The following DSCAM variants were observed in gnomAD, a reference collection of about 807,000 sequenced individuals.
The protein encoded by DSCAM is cell adhesion molecule DSCAM.
A neutral mutation model predicts 217.7 loss-of-function variants in DSCAM; 47 were observed. That is an observed-to-expected ratio of 0.22 (90% CI 0.17 to 0.28). The LOEUF is 0.28. DSCAM is among the 10% of genes least tolerant of loss of function. The probability of loss-of-function intolerance (pLI) is 1.00; values close to 1 mark genes in which losing one functional copy is unlikely to be tolerated. For missense variants in DSCAM, 2,080 were observed against 2,618.3 expected (o/e 0.79, Z 4.49); for synonymous variants, 1,056 against 1,015.3 (o/e 1.04, Z -0.76).
intron 3 of DSCAM, among the ~76,000 whole-genome samples, chr21:40,669,086 G>A (rs1253940066): frequency 6.6e-6 from 1 of 152,134 alleles, no homozygotes; most frequent in Non-Finnish European, 1.5e-5. Flanking sequence ...CCTTCACAGA[G>A]TCGGTGGTCA....
At chr21:40,560,193 T>C (rs1159474915) in intron 3 of DSCAM, among the ~76,000 whole-genome samples, 1 of 152,182 alleles carries the variant, frequency 6.6e-6, no homozygotes, top group African/African-American at 2.4e-5. Flanking sequence ...GAGGCAGCAT[T>C]TGCAGGGAGA....
At chr21:40,053,266 C>A (rs780445109) in intron 29 of DSCAM, among the ~76,000 whole-genome samples, 16 of 152,226 alleles carry the variant, frequency 1.1e-4, no homozygotes, top group Non-Finnish European at 1.6e-4. Context: ...CTGTGAGTAT[C>A]CCAGCGCATG....
At chr21:40,593,967 T>C (rs995942632) in intron 3 of DSCAM, among the ~76,000 whole-genome samples, 5 of 152,066 alleles carry the variant, frequency 3.3e-5, no homozygotes, top group African/African-American at 1.2e-4. Context: ...ATAGCATATT[T>C]TGTTGTTGTT....
intron 1 of DSCAM, among the ~76,000 whole-genome samples, chr21:40,788,656 T>C (rs568291315): frequency 6.6e-6 from 1 of 152,352 alleles, no homozygotes; most frequent in Admixed American, 6.5e-5. Context: ...TCCAGCATCC[T>C]GTAAATTCAT....
At chr21:40,735,913 C>A (rs898064580) in intron 1 of DSCAM, among the ~76,000 whole-genome samples, 5 of 152,180 alleles carry the variant, frequency 3.3e-5, no homozygotes, top group Non-Finnish European at 7.3e-5. Flanking sequence ...TCCCCACCCC[C>A]AGCTTAAGGG....
chr21:40,758,535 A>C (rs2091298706), intron 1 of DSCAM, among the ~76,000 whole-genome samples: 1 of 149,706 alleles, frequency 6.7e-6, no homozygotes, highest in African/African-American at 2.5e-5. Flanking sequence ...AAAAAAAAAG[A>C]CCTAAAACTG....
chr21:40,590,978 T>C (rs2076979837), intron 3 of DSCAM, among the ~76,000 whole-genome samples: 2 of 151,036 alleles, frequency 1.3e-5, no homozygotes, highest in African/African-American at 4.9e-5. Flanking sequence ...TCATCTTGAA[T>C]TGTAATCCCC....
chr21:40,170,577 C>G (rs1238394369), intron 15 of DSCAM, among the ~76,000 whole-genome samples: 1 of 152,144 alleles, frequency 6.6e-6, no homozygotes. Flanking sequence ...TATTGTTGAG[C>G]CTCTGCACCC....
intron 3 of DSCAM, among the ~76,000 whole-genome samples, chr21:40,573,193 C>T (rs1040232142): frequency 6.6e-6 from 1 of 152,144 alleles, no homozygotes; most frequent in South Asian, 2.1e-4. Flanking sequence ...AAAAAATTAG[C>T]CGGGCGCGGT....
At chr21:40,033,587 G>T (rs2996051) in intron 32 of DSCAM, among the ~76,000 whole-genome samples, 1 of 147,238 alleles carries the variant, frequency 6.8e-6, no homozygotes, top group African/African-American at 2.6e-5. Context: ...AGGCGGCAGT[G>T]AGGCTGGGGG....
intron 3 of DSCAM, among the ~76,000 whole-genome samples, chr21:40,611,207 C>T (rs766054393): frequency 5.9e-5 from 9 of 151,790 alleles, no homozygotes; most frequent in Admixed American, 2.0e-4. Context: ...TACAGGTGCA[C>T]GCCTCCACCC....
chr21:40,047,465 C>A (rs2088859540), intron 30 of DSCAM, among the ~76,000 whole-genome samples: 1 of 152,176 alleles, frequency 6.6e-6, no homozygotes, highest in Non-Finnish European at 1.5e-5. Flanking sequence ...TTGGAGGGCA[C>A]AGGATATAAA....
intron 10 of DSCAM, among the ~76,000 whole-genome samples, chr21:40,277,826 G>C (rs1315069863): frequency 6.7e-6 from 1 of 149,334 alleles, no homozygotes; most frequent in Non-Finnish European, 1.5e-5. Flanking sequence ...CTGAGATCAC[G>C]GCGCTGCACT....
intron 32 of DSCAM, among the ~76,000 whole-genome samples, chr21:40,042,036 T>G (rs1030278894): frequency 3.3e-5 from 5 of 152,186 alleles, no homozygotes; most frequent in Non-Finnish European, 4.4e-5. Context: ...CCAGCCACCA[T>G]GCTGTGAGGA....
rs928236336 is a variant in DSCAM, at chr21:40,025,754, T to G, written c.5687-12368A>C. On this transcript the variant is annotated intron_variant, in intron 32 of 32. Transcript: ENST00000400454. ...ATTTTTTATTGCATCTATTTGATTC[T>G]TCTCTCTTTTTCTCTTTATTAGTCT... 2.1e-3 allele frequency among the ~76,000 whole-genome samples: 316 copies of G among 150,982 alleles called. 5 individuals are homozygous for G. Among genetic ancestry groups the G allele is most frequent in the African/African-American group, 7.3e-3 (296 of 40,804 alleles).
At chr21:40,712,970 A>C (rs2090799050) in intron 1 of DSCAM, among the ~76,000 whole-genome samples, 1 of 152,186 alleles carries the variant, frequency 6.6e-6, no homozygotes, top group African/African-American at 2.4e-5. Flanking sequence ...AGGGACACAC[A>C]ATGTAGATGT....
intron 15 of DSCAM, among the ~76,000 whole-genome samples, chr21:40,169,429 G>C (rs2090632035): frequency 6.6e-6 from 1 of 152,120 alleles, no homozygotes; most frequent in Non-Finnish European, 1.5e-5. Context: ...AGGGCACTAA[G>C]GCGCTCTATC....
intron 27 of DSCAM, among the ~76,000 whole-genome samples, chr21:40,065,552 CA>C (rs1436517180): frequency 2.0e-5 from 3 of 152,150 alleles, no homozygotes; most frequent in African/African-American, 7.2e-5. Flanking sequence ...CACAGACGTA[CA>C]CATATTCTCT....
intron 10 of DSCAM, among the ~76,000 whole-genome samples, chr21:40,277,148 T>C (rs1470156951): frequency 6.6e-6 from 1 of 152,104 alleles, no homozygotes; most frequent in Non-Finnish European, 1.5e-5. Context: ...ATTTTTCTTC[T>C]CTGGCCTGAG....
Sources: gnomAD v4.1 joint callset for allele counts (sites outside exome capture counted in the v4.1 genomes callset) on GRCh38, gnomAD v4.1.1 for gene constraint, MANE v1.5 for transcripts, NCBI Gene and HGNC (gene_info 2026-07-23, HGNC 2026-07-21) for gene names.